The following KRT24 variants were observed in gnomAD, a reference collection of about 807,000 sequenced individuals.
The protein encoded by KRT24 is keratin, type I cytoskeletal 24.
In KRT24, 44 loss-of-function variants were observed where a neutral mutation model predicts 51.7. The observed-to-expected ratio is 0.85, with a 90% CI of 0.67 to 1.09. The LOEUF (loss-of-function observed/expected upper bound fraction) is 1.09, where lower values mean the gene tolerates loss of function less well. KRT24 is among the 50% of genes least tolerant of loss of function. The pLI is 0.00. For missense variants in KRT24, 633 were observed against 647.0 expected, an observed-to-expected ratio of 0.98 and a Z score of 0.24; for synonymous variants, 241 against 249.5, an observed-to-expected ratio of 0.97 and a Z score of 0.32.
chr17:40,699,438 G>T lies in KRT24; in HGVS notation c.1361+6C>A. ...GCATTTTAGTTTGTTCATGACTTTGGTTTACCCTCCCTCTCCATCGAGCAG... is the reference window on the plus strand; with the variant it reads ...GCATTTTAGTTTGTTCATGACTTTGTTTTACCCTCCCTCTCCATCGAGCAG... On this transcript the variant is annotated splice_donor_region_variant and intron_variant, in intron 6 of 7. Coordinates refer to ENST00000264651, the MANE Select transcript of KRT24 (RefSeq NM_019016.3). 2.5e-6 allele frequency: 4 copies of T among 1,612,806 alleles called. No individual in the cohort carries two copies. Among genetic ancestry groups the T allele is most frequent in the South Asian group, 1.1e-5 (1 of 91,060 alleles).
chr17:40,698,428 T>C, intron 7 of KRT24, 88 bp from the exon 8 acceptor site: 1 of 1,123,196 alleles, frequency 8.9e-7, no homozygotes, highest in East Asian at 2.3e-5. Context: ...TTCAACGTGT[T>C]CTGTCTGGGT....
chr17:40,701,999 G>A, intron 1 of KRT24, 66 bp from the exon 2 acceptor site: 2 of 761,192 alleles, frequency 2.6e-6, no homozygotes, highest in Non-Finnish European at 2.1e-6. Context: ...ATGCCTACTT[G>A]TAAGGGTAGC....
At chr17:40,701,360 C>A in intron 2 of KRT24, 64 bp from the exon 3 acceptor site, 2 of 1,383,018 alleles carry the variant, frequency 1.4e-6, no homozygotes, top group Non-Finnish European at 2.0e-6. Flanking sequence ...TCAAAGGGTA[C>A]CTTCCATTCT....
intron 7 of KRT24, 98 bp from the exon 8 acceptor site, chr17:40,698,438 T>C: frequency 9.1e-7 from 1 of 1,104,386 alleles, no homozygotes; most frequent in South Asian, 1.3e-5. Context: ...TCTGTCTGGG[T>C]AAGATTATGT....
In KRT24 at chr17:40,698,332, T is replaced by G. The variant is rs2037630779; in HGVS notation, c.1483A>C (p.Lys495Gln). 1 of 1,604,100 alleles carries G rather than the reference T, an allele frequency of 6.2e-7. No individual in the cohort carries two copies. The highest frequency in any genetic ancestry group is 2.2e-5 in the East Asian group (1 of 44,832). Residue 495 changes from lysine (K) to glutamine (Q), a missense_variant, in exon 8 of 8, where the codon AAG (lysine) becomes CAG (glutamine). Coordinates refer to ENST00000264651, the MANE Select transcript of KRT24 (RefSeq NM_019016.3). ...SCSGQGRDSS[K>Q]TRVTKTIVEE... ...ACGATAGTCTTAGTCACTCTAGTCT[T>G]GCTTGAATCTGAAAATCATGGGATT... is the stretch of plus-strand genomic sequence containing the variant.
At position 40,701,292 on chromosome 17, in the gene KRT24, C is replaced by T. The variant is rs749502511; in HGVS notation, c.703G>A (p.Glu235Lys). The T allele has an allele frequency of 5.6e-6, 9 of 1,612,894 alleles. No individual in the cohort carries two copies. The highest frequency in any genetic ancestry group is 1.7e-4 in the Middle Eastern group (1 of 6,056). Reference protein sequence around the residue: ...LAADDFRLKYENELCLRQSVE... With the variant: ...LAADDFRLKYKNELCLRQSVE... ...CTCTGCCGGAGACACAGCTCGTTCTCATACCTGGAAGGGGCAGCAGTAAGG... is the reference window on the plus strand; with the variant it reads ...CTCTGCCGGAGACACAGCTCGTTCTTATACCTGGAAGGGGCAGCAGTAAGG... Residue 235 changes from glutamate (E) to lysine (K), a missense_variant, in exon 3 of 8, where the codon GAG becomes AAG. Transcript: ENST00000264651.
chr17:40,703,662 C>T lies in KRT24; in HGVS notation c.32G>A (p.Arg11Lys), dbSNP rs1567864032. Residue 11 changes from arginine to lysine, a missense_variant, in exon 1 of 8, where the codon AGG (arginine) becomes AAG (lysine). Physicochemically the swap from Arg to Lys is conservative, Grantham distance 26. Coordinates refer to ENST00000264651, the MANE Select transcript of KRT24 (RefSeq NM_019016.3). ...CCTGGCTGAGCTGCTGCCTCCAGCC[C>T]TGGAGGAGGAGGCGCGAGACGAGCA... MSCSSRASSS[R>K]AGGSSSARVS... 1 of 1,588,548 alleles carries T rather than the reference C, an allele frequency of 6.3e-7. No individual in the cohort carries two copies.
intron 2 of KRT24, 108 bp downstream of exon 2, chr17:40,701,743 A>T (rs867098878): frequency 3.1e-4 from 10 of 31,854 alleles, no homozygotes; most frequent in African/African-American, 1.7e-3. Flanking sequence ...ATATATATAT[A>T]TATATATATA....
At chr17:40,702,491 C>T (rs1471260245) in intron 1 of KRT24, among the ~76,000 whole-genome samples, 2 of 152,152 alleles carry the variant, frequency 1.3e-5, no homozygotes, top group African/African-American at 4.8e-5. Context: ...TTGGACTAGG[C>T]ACAGGAACCT....
At chr17:40,698,907 C>T (rs1172286002) in intron 6 of KRT24, among the ~76,000 whole-genome samples, 1 of 146,620 alleles carries the variant, frequency 6.8e-6, no homozygotes, top group Non-Finnish European at 1.5e-5. Context: ...GACAAGGTCT[C>T]GTTCTATCAC....
chr17:40,698,621 C>T lies in KRT24; in HGVS notation c.1391G>A (p.Arg464Lys), dbSNP rs752988516. Reference protein sequence around the residue: ...GGSSFAEFGGRNSGSVNMGSR... With the variant: ...GGSSFAEFGGKNSGSVNMGSR... Reference sequence around the variant, plus strand: ...TCCCATGTTTACAGATCCTGAGTTTCTACCACCAAATTCTGCAAAACTAGA... The same window carrying T: ...TCCCATGTTTACAGATCCTGAGTTTTTACCACCAAATTCTGCAAAACTAGA... Residue 464 changes from arginine to lysine, a missense_variant, in exon 7 of 8, where the codon AGA (arginine) becomes AAA (lysine). Transcript: ENST00000264651. The T allele has an allele frequency of 6.2e-7, 1 of 1,608,776 alleles. No homozygotes were observed. The highest frequency in any genetic ancestry group is 1.1e-5 in the South Asian group (1 of 90,862).
At chr17:40,701,005 C>T in intron 3 of KRT24, 135 bp downstream of exon 3, 1 of 769,778 alleles carries the variant, frequency 1.3e-6, no homozygotes, top group Non-Finnish European at 2.1e-6. Flanking sequence ...TCAAGGGATC[C>T]CCCTGCCTCG....
chr17:40,701,722 AGTATAT>A, intron 2 of KRT24, 123 bp downstream of exon 2: 1 of 119,394 alleles, frequency 8.4e-6, no homozygotes, highest in Admixed American at 1.3e-4. Flanking sequence ...ATGATCCTCT[AGTATAT>A]ATATATATAT....
rs1446720777 is a variant in KRT24, at chr17:40,703,683, G to A, written c.11C>T (p.Ser4Leu). MSC[S>L]SRASSSRAGG... ...AGCCCTGGAGGAGGAGGCGCGAGACGAGCAAGACATGGTGCTCCTGCAAAC... is the reference window on the plus strand; with the variant it reads ...AGCCCTGGAGGAGGAGGCGCGAGACAAGCAAGACATGGTGCTCCTGCAAAC... The change falls in exon 1 of 8, where the codon TCG (serine) becomes TTG (leucine). Residue 4 changes from serine (S) to leucine (L), a missense_variant. Coordinates refer to ENST00000264651, the MANE Select transcript of KRT24 (RefSeq NM_019016.3). The A allele has an allele frequency of 2.6e-6, 4 of 1,565,904 alleles. No homozygotes were observed. The highest frequency in any genetic ancestry group is 1.2e-5 in the South Asian group (1 of 82,726).
At chr17:40,699,040 C>G (rs2037642713) in intron 6 of KRT24, among the ~76,000 whole-genome samples, 1 of 152,104 alleles carries the variant, frequency 6.6e-6, no homozygotes, top group African/African-American at 2.4e-5. Flanking sequence ...CCACGCCTGG[C>G]TAATTTTTGT....
intron 6 of KRT24, 91 bp from the exon 7 acceptor site, chr17:40,698,741 A>G: frequency 1.4e-6 from 1 of 718,928 alleles, no homozygotes; most frequent in Non-Finnish European, 2.5e-6. Flanking sequence ...GAAGTTTTGG[A>G]TGTGTTTATG....
At position 40,701,650 on chromosome 17, in the gene KRT24, C is replaced by A. The variant is rs556875772; in HGVS notation, c.698+201G>T. 1.6e-4 allele frequency among the ~76,000 whole-genome samples: 24 copies of A among 146,854 alleles called. No homozygotes were observed. In the South Asian group the frequency reaches 5.2e-3, roughly 32 times the overall value. On this transcript the variant is annotated intron_variant, in intron 2 of 7. Coordinates refer to ENST00000264651, the MANE Select transcript of KRT24 (RefSeq NM_019016.3). ...AGCAGAGAGGATCTACCTGCCCCAG[C>A]ATCAGTGGAGATTTGTCTAATGGTC...
intron 5 of KRT24, 129 bp from the exon 6 acceptor site, chr17:40,699,790 C>T (rs1363698446): frequency 9.8e-7 from 1 of 1,017,904 alleles, no homozygotes; most frequent in South Asian, 1.6e-5. Context: ...ATCATTGCTT[C>T]TTTAATTTTG....
At chr17:40,701,755 ATATATATATATATATATATATATATT>A (rs1322597981) in intron 2 of KRT24, 70 bp downstream of exon 2, 504 of 38,356 alleles carry the variant, frequency 0.013, 6 homozygotes, top group Non-Finnish European at 0.019. Context: ...ATATATATAT[ATATATATATATATATATATATATATT>A]TATTTATAAA....
Sources: gnomAD v4.1 joint callset for allele counts (sites outside exome capture counted in the v4.1 genomes callset) on GRCh38, gnomAD v4.1.1 for gene constraint, MANE v1.5 for transcripts, NCBI Gene and HGNC (gene_info 2026-07-23, HGNC 2026-07-21) for gene names.